The following STAG1 variants were observed in gnomAD, a reference collection of about 807,000 sequenced individuals.
STAG1 encodes cohesin subunit SA-1.
A neutral mutation model predicts 170.9 loss-of-function variants in STAG1; 26 were observed. That is an observed-to-expected ratio of 0.15 (90% confidence interval 0.11 to 0.21). The LOEUF (loss-of-function observed/expected upper bound fraction) is 0.21. Ranked by LOEUF, STAG1 falls within the 10% of genes least tolerant of loss-of-function variation. The probability of loss-of-function intolerance (pLI) is 1.00; values close to 1 mark genes in which losing one functional copy is unlikely to be tolerated. For missense variants in STAG1, 964 were observed against 1,509.5 expected, an observed-to-expected ratio of 0.64 and a Z score of 5.99; for synonymous variants, 514 against 497.7, an observed-to-expected ratio of 1.03 and a Z score of -0.44.
intron 4 of STAG1, among the ~76,000 whole-genome samples, chr3:136,574,356 A>G (rs1937375965): frequency 2.0e-5 from 3 of 152,002 alleles, no homozygotes; most frequent in African/African-American, 7.2e-5. Flanking sequence ...ACACACACAC[A>G]CACACACACG....
At chr3:136,742,217 T>C (rs1344878956) in intron 1 of STAG1, among the ~76,000 whole-genome samples, 1 of 152,158 alleles carries the variant, frequency 6.6e-6, no homozygotes, top group African/African-American at 2.4e-5. Flanking sequence ...TTAACCTAAT[T>C]GATAGTTACA....
At chr3:136,703,023 G>A (rs1374588616) in intron 1 of STAG1, among the ~76,000 whole-genome samples, 2 of 145,192 alleles carry the variant, frequency 1.4e-5, no homozygotes, top group Non-Finnish European at 1.5e-5. Context: ...AGCTGATATT[G>A]CGCCACTGCA....
chr3:136,722,848 C>T (rs965374980), intron 1 of STAG1, among the ~76,000 whole-genome samples: 3 of 152,160 alleles, frequency 2.0e-5, no homozygotes, highest in African/African-American at 7.2e-5. Context: ...CGCGCCACCA[C>T]GCCTGACTGG....
chr3:136,446,145 T>G (rs1460085562), intron 14 of STAG1, among the ~76,000 whole-genome samples: 2 of 152,176 alleles, frequency 1.3e-5, no homozygotes, highest in Non-Finnish European at 2.9e-5. Flanking sequence ...TTCTCTTCAT[T>G]TAATTTGAAC....
chr3:136,750,407 CCA>C lies in STAG1; in HGVS notation c.-84+1786_-84+1787del, dbSNP rs138787717. Among the ~76,000 whole-genome samples, 88 of 152,270 alleles carry C rather than the reference CCA, an allele frequency of 5.8e-4. 1 individual carries two copies. Among genetic ancestry groups the C allele is most frequent in the African/African-American group, 2.1e-3 (87 of 41,552 alleles). The stretch of plus-strand genomic sequence containing the variant: ...GTTCAAAGTAACTTCGGTCCAGGAC[CCA>C]CTCCTTCTCCCCTACACCATAGTGC... On this transcript the variant is annotated intron_variant, in intron 1 of 33. Transcript: ENST00000383202.
At chr3:136,478,229 T>A (rs2089810231) in intron 9 of STAG1, among the ~76,000 whole-genome samples, 1 of 152,304 alleles carries the variant, frequency 6.6e-6, no homozygotes, top group East Asian at 1.9e-4. Context: ...GTGACAATGG[T>A]AACCATCTTG....
chr3:136,422,350 G>T, intron 19 of STAG1, 60 bp downstream of exon 19: 1 of 1,466,120 alleles, frequency 6.8e-7, no homozygotes, highest in Non-Finnish European at 9.5e-7. Flanking sequence ...TACACACTCA[G>T]CTATCTTAAG....
chr3:136,602,397 G>A (rs933047182), intron 4 of STAG1, among the ~76,000 whole-genome samples: 2 of 140,288 alleles, frequency 1.4e-5, no homozygotes, highest in Admixed American at 1.4e-4. Context: ...AAAAAAAAAA[G>A]AGAGAGAGAG....
chr3:136,649,253 C>T (rs113317024), intron 1 of STAG1, among the ~76,000 whole-genome samples: 25 of 151,036 alleles, frequency 1.7e-4, no homozygotes, highest in Non-Finnish European at 3.1e-4. Context: ...CTGAGGTGGG[C>T]GGATCACCTA....
chr3:136,440,239 A>G (rs1213879479), intron 15 of STAG1, among the ~76,000 whole-genome samples: 1 of 151,926 alleles, frequency 6.6e-6, no homozygotes, highest in Non-Finnish European at 1.5e-5. Flanking sequence ...CCGGGTTTAC[A>G]CCATTCTCCT....
intron 24 of STAG1, 147 bp downstream of exon 24, chr3:136,368,961 G>T: frequency 1.7e-6 from 1 of 595,596 alleles, no homozygotes; most frequent in Non-Finnish European, 2.6e-6. Flanking sequence ...AAAGTGCTAG[G>T]ATTACTGGTG....
chr3:136,472,569 G>A, intron 11 of STAG1, 77 bp from the exon 12 acceptor site: 1 of 1,009,694 alleles, frequency 9.9e-7, no homozygotes, highest in Non-Finnish European at 1.5e-6. Context: ...AATGTATTCT[G>A]GGATATATAT....
At chr3:136,595,992 T>C (rs939372276) in intron 4 of STAG1, among the ~76,000 whole-genome samples, 2 of 152,232 alleles carry the variant, frequency 1.3e-5, no homozygotes, top group African/African-American at 2.4e-5. Context: ...GATTTTATCT[T>C]TGCATTTCCT....
chr3:136,650,171 G>C (rs536440337), intron 1 of STAG1, among the ~76,000 whole-genome samples: 3 of 151,626 alleles, frequency 2.0e-5, no homozygotes, highest in Non-Finnish European at 4.4e-5. Flanking sequence ...AGGCAGTCGA[G>C]GCTGCAGTGA....
rs567055673 is a variant in STAG1, at chr3:136,510,920, C to T, written c.677-8141G>A. Among the ~76,000 whole-genome samples, 5 of 152,190 alleles carry T rather than the reference C, an allele frequency of 3.3e-5. No individual in the cohort carries two copies. The East Asian group carries it at 5.8e-4, about 18-fold the overall frequency. On this transcript the variant is annotated intron_variant, in intron 7 of 33. Coordinates refer to ENST00000383202, the MANE Select transcript of STAG1 (RefSeq NM_005862.3). ...AGCCTTGTAGCTGGGATTACAGGCA[C>T]GCACCACCATGCCCGGCTAATTTTG...
chr3:136,342,877 T>G (rs1378900104), intron 30 of STAG1, among the ~76,000 whole-genome samples: 1 of 151,920 alleles, frequency 6.6e-6, no homozygotes, highest in African/African-American at 2.4e-5. Flanking sequence ...GGAAGAGGGG[T>G]GGGGATATTG....
intron 1 of STAG1, among the ~76,000 whole-genome samples, chr3:136,739,435 T>C (rs1174874681): frequency 7.3e-6 from 1 of 136,120 alleles, no homozygotes; most frequent in East Asian, 2.1e-4. Flanking sequence ...GAGGATGAGG[T>C]GAGAGGTTGA....
chr3:136,438,921 G>C (rs1333696053), intron 15 of STAG1, among the ~76,000 whole-genome samples: 1 of 152,042 alleles, frequency 6.6e-6, no homozygotes, highest in East Asian at 1.9e-4. Flanking sequence ...TCTCAGCCAG[G>C]TGTGGTGGCT....
intron 4 of STAG1, among the ~76,000 whole-genome samples, chr3:136,584,978 T>A (rs947220531): frequency 6.6e-6 from 1 of 152,226 alleles, no homozygotes; most frequent in Non-Finnish European, 1.5e-5. Context: ...ATAACTCACA[T>A]TCTTGTTCTT....
Sources: gnomAD v4.1 joint callset for allele counts (sites outside exome capture counted in the v4.1 genomes callset) on GRCh38, gnomAD v4.1.1 for gene constraint, MANE v1.5 for transcripts, NCBI Gene and HGNC (gene_info 2026-07-23, HGNC 2026-07-21) for gene names.